Variants in REP15 observed in about 807,000 individuals in gnomAD.
REP15 encodes the protein RAB15 effector protein.
REP15 carries 1 observed loss-of-function variant against 1.1 expected under a neutral mutation model. The observed-to-expected ratio is 0.89, with a 90% CI of 0.32 to 4.24. REP15 has a LOEUF of 4.24. Among genes scored for constraint, REP15 ranks in the 30% most tolerant of loss-of-function variants. The probability of loss-of-function intolerance (pLI) is 0.17; values close to 1 mark genes in which losing one functional copy is unlikely to be tolerated. For synonymous variants in REP15, 100 were observed against 99.7 expected (o/e 1.00, Z -0.02); for missense variants, 246 against 271.9 (o/e 0.90, Z 0.67).
rs760308305 is a variant in REP15 at position 27,697,234 on chromosome 12, G to C, written c.672G>C (p.Gly224=). The change falls in exon 1 of 1, where the codon GGG becomes GGC. Residue 224 remains glycine (G), a synonymous_variant. Transcript: ENST00000310791. The part of the protein sequence containing the change: ...LLRNCLSKKD[G]LREVGKVYIS... ...GAAATTGTCTGAGTAAGAAAGACGG[G>C]CTGAGAGAGGTGGGCAAGGTTTATA... 6.2e-7 allele frequency: 1 copy of C among 1,613,962 alleles called. No individual in the cohort carries two copies. Among genetic ancestry groups the C allele is most frequent in the East Asian group, 2.2e-5 (1 of 44,884 alleles).
chr12:27,697,571 T>A lies in REP15; in HGVS notation c.*298T>A, dbSNP rs2140731405. On this transcript the variant is annotated 3_prime_UTR_variant, in exon 1 of 1. Transcript: ENST00000310791. ...ATGGAAGAGAGATAATAAAGTCACATTTAAAGTTTGATTTGCAAAAAAAAA... is the reference window on the plus strand; with the variant it reads ...ATGGAAGAGAGATAATAAAGTCACAATTAAAGTTTGATTTGCAAAAAAAAA... The A allele has an allele frequency of 4.1e-6, 1 of 242,928 alleles. No homozygotes were observed. Among genetic ancestry groups the A allele is most frequent in the East Asian group, 9.0e-5 (1 of 11,078 alleles). 15.0% of individuals were successfully genotyped at this position (242,928 alleles called of 1,614,324 possible). A position where few individuals can be genotyped will look rare whatever the true frequency, so the allele number is the denominator to read the frequency against.
In REP15 at chr12:27,696,494, G is replaced by C. The variant is rs1430675324; in HGVS notation, c.-69G>C. 25 of 1,286,450 alleles carry C rather than the reference G, an allele frequency of 1.9e-5. No individual in the cohort carries two copies. The highest frequency in any genetic ancestry group is 2.6e-5 in the Non-Finnish European group (24 of 936,630). The allele number at this position is 1,286,450 out of a possible 1,614,324, so 79.7% of individuals were successfully genotyped here. On this transcript the variant is annotated 5_prime_UTR_variant, in exon 1 of 1. Transcript: ENST00000310791. ...CATTAACAGATGTGGCCTCCCTGCA[G>C]AACTTTTACTTTGAAAAAGAAGTAC...
chr12:27,697,254 T>A lies in REP15; in HGVS notation c.692T>A (p.Val231Asp), dbSNP rs1175062220. The A allele has an allele frequency of 3.1e-6, 5 of 1,610,068 alleles. No homozygotes were observed. Among genetic ancestry groups the A allele is most frequent in the Admixed American group, 3.3e-5 (2 of 59,938 alleles). ...KKDGLREVGK[V>D]YISIL is the part of the protein sequence containing the mutation. The stretch of plus-strand genomic sequence containing the variant: ...GACGGGCTGAGAGAGGTGGGCAAGG[T>A]TTATATCAGCATTCTCTGACTTGGA... The change falls in exon 1 of 1, where the codon GTT becomes GAT. Residue 231 changes from valine to aspartate, a missense_variant. Transcript: ENST00000310791.
At position 27,697,199 on chromosome 12, in the gene REP15, G is replaced by A. The variant is rs1036980094; in HGVS notation, c.637G>A (p.Glu213Lys). The A allele has an allele frequency of 4.3e-6, 7 of 1,614,082 alleles. No individual in the cohort carries two copies. Among genetic ancestry groups the A allele is most frequent in the Non-Finnish European group, 5.9e-6 (7 of 1,180,040 alleles). Reference sequence around the variant, plus strand: ...AACTGAAGATTGTGTGTTCATCAAAGAGCTGCTCAGAAATTGTCTGAGTAA... The same window carrying A: ...AACTGAAGATTGTGTGTTCATCAAAAAGCTGCTCAGAAATTGTCTGAGTAA... ...LETEDCVFIK[E>K]LLRNCLSKKD... Residue 213 changes from glutamate (E) to lysine (K), a missense_variant, in exon 1 of 1, where the codon GAG (glutamate) becomes AAG (lysine). Coordinates refer to ENST00000310791, the MANE Select transcript of REP15 (RefSeq NM_001029874.3).
Position 27,696,730 on chromosome 12 carries a change from T to A in REP15, c.168T>A (p.Asn56Lys), listed in dbSNP as rs975255451. The change falls in exon 1 of 1, where the codon AAT (asparagine) becomes AAA (lysine). Residue 56 changes from asparagine to lysine, a missense_variant. Physicochemically the swap from Asn to Lys is moderately conservative, Grantham distance 94 (BLOSUM62 0). Transcript: ENST00000310791. The stretch of plus-strand genomic sequence containing the variant: ...TCTGCCCAGCTGCAAATACTCTGAA[T>A]GAGATCTTCTTAATCCATTTCATCA... ...SKLCPAANTLNEIFLIHFITF... is the reference protein window; with the variant it reads ...SKLCPAANTLKEIFLIHFITF... 1.4e-5 allele frequency: 22 copies of A among 1,613,376 alleles called. No individual in the cohort carries two copies. Among genetic ancestry groups the A allele is most frequent in the Non-Finnish European group, 1.8e-5 (21 of 1,179,392 alleles).
chr12:27,696,762 G>A lies in REP15; in HGVS notation c.200G>A (p.Cys67Tyr), dbSNP rs768758729. Residue 67 changes from cysteine to tyrosine, a missense_variant, in exon 1 of 1, where the codon TGC becomes TAC. Transcript: ENST00000310791. ...TTCTTAATCCATTTCATCACTTTCT[G>A]CCAAGAAAAGGGAGTTGATGAGTGG... ...EIFLIHFITF[C>Y]QEKGVDEWLT... The A allele has an allele frequency of 1.9e-6, 3 of 1,613,936 alleles. No individual in the cohort carries two copies. In the African/African-American group the frequency reaches 4.0e-5, roughly 22 times the overall value.
In REP15 at chr12:27,697,450, A is replaced by T. The variant is rs745328514; in HGVS notation, c.*177A>T. The T allele has an allele frequency of 1.0e-4, 48 of 460,984 alleles. No individual in the cohort carries two copies. The highest frequency in any genetic ancestry group is 1.7e-4 in the Non-Finnish European group (44 of 254,006). The allele number at this position is 460,984 out of a possible 1,614,324, so 28.6% of individuals were successfully genotyped here. Reference sequence around the variant, plus strand: ...ATGTCGCAATTACAGAGAGAGAGAGAAAAAAAGAAAACCCTGGCTCTGCCT... The same window carrying T: ...ATGTCGCAATTACAGAGAGAGAGAGTAAAAAAGAAAACCCTGGCTCTGCCT... On this transcript the variant is annotated 3_prime_UTR_variant, in exon 1 of 1. Coordinates refer to ENST00000310791, the MANE Select transcript of REP15 (RefSeq NM_001029874.3).
In REP15 at chr12:27,696,648, T is replaced by C. The variant is rs1320011884; in HGVS notation, c.86T>C (p.Val29Ala). The C allele has an allele frequency of 1.2e-6, 2 of 1,614,170 alleles. No homozygotes were observed. The highest frequency in any genetic ancestry group is 1.7e-5 in the Admixed American group (1 of 60,026). ...TGTGAGGTGGTCAGTGAAGCTATAGTCCATGCAGCTCAGAAACTGAAGGAG... is the reference window on the plus strand; with the variant it reads ...TGTGAGGTGGTCAGTGAAGCTATAGCCCATGCAGCTCAGAAACTGAAGGAG... ...VVCEVVSEAI[V>A]HAAQKLKEYL... The change falls in exon 1 of 1, where the codon GTC (valine) becomes GCC (alanine). Residue 29 changes from valine (V) to alanine (A), a missense_variant. Coordinates refer to ENST00000310791, the MANE Select transcript of REP15 (RefSeq NM_001029874.3).
chr12:27,697,385 C>G lies in REP15; in HGVS notation c.*112C>G. On this transcript the variant is annotated 3_prime_UTR_variant, in exon 1 of 1. Transcript: ENST00000310791. ...CATGGGATTTTTTTTCATTTGTTTT[C>G]CCATTGATTGAAAATGATTACTGGG... The G allele has an allele frequency of 1.5e-6, 1 of 648,748 alleles. No individual in the cohort carries two copies. Among genetic ancestry groups the G allele is most frequent in the Admixed American group, 3.0e-5 (1 of 33,224 alleles). 40.2% of individuals were successfully genotyped at this position (648,748 alleles called of 1,614,324 possible). A position where few individuals can be genotyped will look rare whatever the true frequency, so the allele number is the denominator to read the frequency against.
Position 27,697,000 on chromosome 12 carries a change from T to A in REP15, c.438T>A (p.Asp146Glu), listed in dbSNP as rs761345835. Residue 146 changes from aspartate (D) to glutamate (E), a missense_variant, in exon 1 of 1, where the codon GAT becomes GAA. Coordinates refer to ENST00000310791, the MANE Select transcript of REP15 (RefSeq NM_001029874.3). ...EESSWKKSRF[D>E]KLEEFCNLIG... ...CTTCCTGGAAGAAAAGTAGATTTGATAAGCTGGAAGAATTCTGTAACTTAA... is the reference window on the plus strand; with the variant it reads ...CTTCCTGGAAGAAAAGTAGATTTGAAAAGCTGGAAGAATTCTGTAACTTAA... 1.2e-6 allele frequency: 2 copies of A among 1,614,152 alleles called. No individual in the cohort carries two copies. The highest frequency in any genetic ancestry group is 1.7e-6 in the Non-Finnish European group (2 of 1,179,970).
chr12:27,696,909 C>A lies in REP15; in HGVS notation c.347C>A (p.Ser116Tyr). Residue 116 changes from serine to tyrosine, a missense_variant, in exon 1 of 1, where the codon TCT (serine) becomes TAT (tyrosine). By Grantham distance (144) the Ser-to-Tyr change is moderately radical. Coordinates refer to ENST00000310791, the MANE Select transcript of REP15 (RefSeq NM_001029874.3). ...LQLAVQTLQM[S>Y]SPPPVESKPC... is the part of the protein sequence containing the mutation. ...CTCGCAGTACAGACTCTGCAGATGTCTTCACCTCCTCCTGTGGAATCTAAG... is the reference window on the plus strand; with the variant it reads ...CTCGCAGTACAGACTCTGCAGATGTATTCACCTCCTCCTGTGGAATCTAAG... 1.2e-6 allele frequency: 2 copies of A among 1,614,064 alleles called. No individual in the cohort carries two copies. The highest frequency in any genetic ancestry group is 1.7e-6 in the Non-Finnish European group (2 of 1,179,916).
At position 27,696,582 on chromosome 12, in the gene REP15, A is replaced by C; in HGVS notation, c.20A>C (p.Gln7Pro). MGQKASQQLALKDSKEV... is the reference protein window; with the variant it reads MGQKASPQLALKDSKEV... ...GAGAAAATGGGGCAGAAAGCATCGC[A>C]ACAGTTGGCTCTGAAGGACAGCAAA... Residue 7 changes from glutamine (Q) to proline (P), a missense_variant, in exon 1 of 1, where the codon CAA becomes CCA. By Grantham distance (76) the Gln-to-Pro change is moderately conservative (BLOSUM62 -1). Transcript: ENST00000310791. 2 of 1,601,628 alleles carry C rather than the reference A, an allele frequency of 1.2e-6. No individual in the cohort carries two copies. Among genetic ancestry groups the C allele is most frequent in the Non-Finnish European group, 1.7e-6 (2 of 1,169,634 alleles).
In REP15 at chr12:27,697,393, T is replaced by C; in HGVS notation, c.*120T>C. The C allele has an allele frequency of 1.6e-6, 1 of 622,534 alleles. No individual in the cohort carries two copies. Among genetic ancestry groups the C allele is most frequent in the Non-Finnish European group, 2.8e-6 (1 of 352,996 alleles). The allele number at this position is 622,534 out of a possible 1,614,324, so 38.6% of individuals were successfully genotyped here. On this transcript the variant is annotated 3_prime_UTR_variant, in exon 1 of 1. Coordinates refer to ENST00000310791, the MANE Select transcript of REP15 (RefSeq NM_001029874.3). ...TTTTTTTCATTTGTTTTCCCATTGA[T>C]TGAAAATGATTACTGGGATCAAAGT...
At position 27,697,231 on chromosome 12, in the gene REP15, C is replaced by T. The variant is rs748052599; in HGVS notation, c.669C>T (p.Asp223=). The T allele has an allele frequency of 1.5e-5, 24 of 1,613,822 alleles. No homozygotes were observed. The highest frequency in any genetic ancestry group is 1.6e-4 in the Middle Eastern group (1 of 6,084). The change falls in exon 1 of 1, where the codon GAC becomes GAT. Residue 223 remains aspartate, a synonymous_variant. Coordinates refer to ENST00000310791, the MANE Select transcript of REP15 (RefSeq NM_001029874.3). ...TCAGAAATTGTCTGAGTAAGAAAGA[C>T]GGGCTGAGAGAGGTGGGCAAGGTTT... ...ELLRNCLSKK[D]GLREVGKVYI...
Position 27,697,084 on chromosome 12 carries a change from C to T in REP15, c.522C>T (p.Asp174=). Residue 174 remains aspartate (D), a synonymous_variant, in exon 1 of 1, where the codon GAC becomes GAT. Transcript: ENST00000310791. ...TTGGTATGCCAGGAAAGCCTAAAGA[C>T]ATCAGGGGAGTTGTCCTGGACAGTG... ...IIFGMPGKPK[D]IRGVVLDSVK... 1 of 1,614,134 alleles carries T rather than the reference C, an allele frequency of 6.2e-7. No homozygotes were observed. Among genetic ancestry groups the T allele is most frequent in the Non-Finnish European group, 8.5e-7 (1 of 1,180,030 alleles).
At position 27,696,966 on chromosome 12, in the gene REP15, T is replaced by G. The variant is rs956306898; in HGVS notation, c.404T>G (p.Val135Gly). The change falls in exon 1 of 1, where the codon GTA becomes GGA. Residue 135 changes from valine to glycine, a missense_variant. Coordinates refer to ENST00000310791, the MANE Select transcript of REP15 (RefSeq NM_001029874.3). Reference sequence around the variant, plus strand: ...GACCTTTCCAATCCAGAATCAAGGGTAGAGGAGTCTTCCTGGAAGAAAAGT... The same window carrying G: ...GACCTTTCCAATCCAGAATCAAGGGGAGAGGAGTCTTCCTGGAAGAAAAGT... ...PCDLSNPESR[V>G]EESSWKKSRF... The G allele has an allele frequency of 6.2e-7, 1 of 1,614,078 alleles. No individual in the cohort carries two copies. Among genetic ancestry groups the G allele is most frequent in the African/African-American group, 1.3e-5 (1 of 75,016 alleles).
rs2061742641 is a variant in REP15, at chr12:27,697,546, A to C, written c.*273A>C. On this transcript the variant is annotated 3_prime_UTR_variant, in exon 1 of 1. Transcript: ENST00000310791. Reference sequence around the variant, plus strand: ...TTCATTCACTTATTCAATAATAAAAATGGAAGAGAGATAATAAAGTCACAT... The same window carrying C: ...TTCATTCACTTATTCAATAATAAAACTGGAAGAGAGATAATAAAGTCACAT... 3.6e-6 allele frequency: 1 copy of C among 280,024 alleles called. No individual in the cohort carries two copies. Among genetic ancestry groups the C allele is most frequent in the African/African-American group, 2.2e-5 (1 of 45,258 alleles). 17.3% of individuals were successfully genotyped at this position (280,024 alleles called of 1,614,324 possible). A position where few individuals can be genotyped will look rare whatever the true frequency, so the allele number is the denominator to read the frequency against.
rs2061741628 is a variant in REP15 at position 27,697,475 on chromosome 12, T to G, written c.*202T>G. ...AAAAAAAGAAAACCCTGGCTCTGCC[T>G]ATGATTTAAAAACAGTTCAGGAAAA... On this transcript the variant is annotated 3_prime_UTR_variant, in exon 1 of 1. Transcript: ENST00000310791. 1 of 437,394 alleles carries G rather than the reference T, an allele frequency of 2.3e-6. No individual in the cohort carries two copies. The highest frequency in any genetic ancestry group is 3.9e-5 in the Admixed American group (1 of 25,802). The allele number at this position is 437,394 out of a possible 1,614,324, so 27.1% of individuals were successfully genotyped here. A position where few individuals can be genotyped will look rare whatever the true frequency, so the allele number is the denominator to read the frequency against.
rs778864253 is a variant in REP15 at position 27,697,223 on chromosome 12, A to G, written c.661A>G (p.Lys221Glu). The G allele has an allele frequency of 1.9e-5, 30 of 1,614,064 alleles. No individual in the cohort carries two copies. Among genetic ancestry groups the G allele is most frequent in the African/African-American group, 2.7e-5 (2 of 74,936 alleles). ...IKELLRNCLSKKDGLREVGKV... is the reference protein window; with the variant it reads ...IKELLRNCLSEKDGLREVGKV... ...AGAGCTGCTCAGAAATTGTCTGAGT[A>G]AGAAAGACGGGCTGAGAGAGGTGGG... The change falls in exon 1 of 1, where the codon AAG (lysine) becomes GAG (glutamate). Residue 221 changes from lysine (K) to glutamate (E), a missense_variant. Lys to Glu is a moderately conservative substitution (Grantham distance 56). Coordinates refer to ENST00000310791, the MANE Select transcript of REP15 (RefSeq NM_001029874.3).
Sources: gnomAD v4.1 joint callset for allele counts on GRCh38, gnomAD v4.1.1 for gene constraint, MANE v1.5 for transcripts, NCBI Gene and HGNC (gene_info 2026-07-23, HGNC 2026-07-21) for gene names.